The following CNOT6L variants were observed in gnomAD, a reference collection of about 807,000 sequenced individuals.
CNOT6L encodes the protein CCR4-NOT transcription complex subunit 6 like.
Under a neutral mutation model 64.0 loss-of-function variants are expected in CNOT6L, and 7 were observed. That is an observed-to-expected ratio of 0.11 (90% confidence interval 0.06 to 0.21). CNOT6L has a LOEUF of 0.21. Among genes scored for constraint, CNOT6L ranks in the 10% least tolerant of loss-of-function variants. The pLI is 1.00. For synonymous variants in CNOT6L, 193 were observed against 243.4 expected, an observed-to-expected ratio of 0.79 and a Z score of 1.93; for missense variants, 245 against 669.0, an observed-to-expected ratio of 0.37 and a Z score of 6.99.
intron 1 of CNOT6L, among the ~76,000 whole-genome samples, chr4:77,808,355 G>A (rs925384396): frequency 5.9e-5 from 9 of 151,774 alleles, no homozygotes; most frequent in South Asian, 4.2e-4. Flanking sequence ...CCAGCTTCTC[G>A]GGAGGCTGAG....
chr4:77,742,100 TAAATA>T lies in CNOT6L; in HGVS notation c.872+36_872+40del, dbSNP rs765964489. On this transcript the variant is annotated intron_variant, in intron 8 of 11. Coordinates refer to ENST00000504123, the MANE Select transcript of CNOT6L (RefSeq NM_144571.3). ...CAATTTTAAAGTGTAAGCATTTAAA[TAAATA>T]AAAGTACACCATTGTGCTTTGTTTC... is the stretch of plus-strand genomic sequence containing the variant. The T allele has an allele frequency of 4.5e-6, 7 of 1,559,870 alleles. No individual in the cohort carries two copies. In the East Asian group the frequency reaches 9.1e-5, roughly 20 times the overall value.
intron 4 of CNOT6L, among the ~76,000 whole-genome samples, chr4:77,765,856 G>A (rs1426810513): frequency 6.6e-6 from 1 of 152,108 alleles, no homozygotes; most frequent in Admixed American, 6.6e-5. Context: ...GTAGCTTTTC[G>A]CTATTTTGCT....
At chr4:77,792,100 C>T (rs4859878) in intron 1 of CNOT6L, among the ~76,000 whole-genome samples, 131,259 of 152,162 alleles carry the variant, frequency 0.86, 56,861 homozygotes, top group Non-Finnish European at 0.9. Flanking sequence ...CAAGCAGTAA[C>T]ATCCTGTCTT....
intron 1 of CNOT6L, among the ~76,000 whole-genome samples, chr4:77,799,300 C>G (rs1043133536): frequency 1.3e-5 from 2 of 152,110 alleles, no homozygotes; most frequent in African/African-American, 4.8e-5. Context: ...TGGCACGCAC[C>G]TGTAGTCCCA....
At chr4:77,798,323 A>T (rs897616015) in intron 1 of CNOT6L, among the ~76,000 whole-genome samples, 3 of 152,164 alleles carry the variant, frequency 2.0e-5, no homozygotes, top group Admixed American at 1.3e-4. Flanking sequence ...CAAATAAATA[A>T]TTTTTTTAAA....
chr4:77,738,471 C>T lies in CNOT6L; in HGVS notation c.872+3670G>A, dbSNP rs151236319. 3.5e-3 allele frequency among the ~76,000 whole-genome samples: 538 copies of T among 151,964 alleles called. 2 individuals are homozygous for T. Among genetic ancestry groups the T allele is most frequent in the Admixed American group, 5.6e-3 (86 of 15,266 alleles). ...ATTATGAGTCTAAAGCATGTATCTA[C>T]GGCCAGGCGCGGTTGCTCACGCCTG... is the stretch of plus-strand genomic sequence containing the variant. On this transcript the variant is annotated intron_variant, in intron 8 of 11. Coordinates refer to ENST00000504123, the MANE Select transcript of CNOT6L (RefSeq NM_144571.3).
At chr4:77,733,774 T>G (rs933408570) in intron 8 of CNOT6L, among the ~76,000 whole-genome samples, 5 of 152,080 alleles carry the variant, frequency 3.3e-5, no homozygotes, top group African/African-American at 1.2e-4. Context: ...CTAGATCTTT[T>G]CAAGAATATA....
At chr4:77,768,313 A>C (rs1447063480) in intron 4 of CNOT6L, among the ~76,000 whole-genome samples, 1 of 151,702 alleles carries the variant, frequency 6.6e-6, no homozygotes. Flanking sequence ...AAAAATACAA[A>C]AATTAGCCAG....
intron 4 of CNOT6L, among the ~76,000 whole-genome samples, chr4:77,764,530 G>A (rs775767106): frequency 1.3e-4 from 20 of 151,944 alleles, no homozygotes; most frequent in South Asian, 6.2e-4. Flanking sequence ...TCACTTTACC[G>A]TATGGATTTG....
chr4:77,720,749 T>C, intron 11 of CNOT6L, 106 bp from the exon 12 acceptor site: 1 of 1,100,134 alleles, frequency 9.1e-7, no homozygotes, highest in Admixed American at 2.3e-5. Flanking sequence ...TTCTGGTACC[T>C]GTTGTCTTGA....
chr4:77,786,321 A>T (rs1461725232), intron 1 of CNOT6L, among the ~76,000 whole-genome samples: 1 of 150,998 alleles, frequency 6.6e-6, no homozygotes, highest in African/African-American at 2.4e-5. Context: ...GAGAGGAAAT[A>T]ACATGAGGAT....
chr4:77,759,665 G>A (rs1276735881), intron 4 of CNOT6L, among the ~76,000 whole-genome samples: 1 of 151,780 alleles, frequency 6.6e-6, no homozygotes, highest in African/African-American at 2.4e-5. Flanking sequence ...GACAACAGGA[G>A]CTAGAATACA....
At chr4:77,798,843 A>G (rs916264519) in intron 1 of CNOT6L, among the ~76,000 whole-genome samples, 4 of 150,584 alleles carry the variant, frequency 2.7e-5, no homozygotes, top group Non-Finnish European at 5.9e-5. Flanking sequence ...ATAGCCAGGC[A>G]TGGTGGTGTG....
chr4:77,757,118 TTTTC>T (rs1222431328), intron 4 of CNOT6L, among the ~76,000 whole-genome samples, 167 bp from the exon 5 acceptor site: 1 of 152,188 alleles, frequency 6.6e-6, no homozygotes, highest in Non-Finnish European at 1.5e-5. Context: ...TAAATAAATA[TTTTC>T]TTTAAGAACT....
chr4:77,739,257 A>C (rs1376421372), intron 8 of CNOT6L, among the ~76,000 whole-genome samples: 1 of 152,224 alleles, frequency 6.6e-6, no homozygotes, highest in African/African-American at 2.4e-5. Context: ...TCATCAGTGA[A>C]GATGAGGAAT....
intron 1 of CNOT6L, among the ~76,000 whole-genome samples, chr4:77,780,214 C>A (rs1728704052): frequency 6.6e-6 from 1 of 152,148 alleles, no homozygotes; most frequent in South Asian, 2.1e-4. Context: ...GACTTAAATA[C>A]TGAGTGATTA....
chr4:77,723,378 A>ACCTCACTGATACAATGGCC (rs1193759008), intron 11 of CNOT6L, among the ~76,000 whole-genome samples: 16 of 152,064 alleles, frequency 1.1e-4, no homozygotes, highest in African/African-American at 3.6e-4. Flanking sequence ...AAAATTTAAC[A>ACCTCACTGATACAATGGCC]CCTCACTGAT....
At chr4:77,782,965 C>T (rs1729033188) in intron 1 of CNOT6L, among the ~76,000 whole-genome samples, 1 of 151,564 alleles carries the variant, frequency 6.6e-6, no homozygotes, top group South Asian at 2.1e-4. Flanking sequence ...TAAATGATGC[C>T]CTGGGATAAA....
chr4:77,803,398 A>G (rs1177434045), intron 1 of CNOT6L, among the ~76,000 whole-genome samples: 1 of 152,246 alleles, frequency 6.6e-6, no homozygotes, highest in Non-Finnish European at 1.5e-5. Context: ...GCAATCTGAC[A>G]AGATGTATCA....
Sources: gnomAD v4.1 joint callset for allele counts (sites outside exome capture counted in the v4.1 genomes callset) on GRCh38, gnomAD v4.1.1 for gene constraint, MANE v1.5 for transcripts, NCBI Gene and HGNC (gene_info 2026-07-23, HGNC 2026-07-21) for gene names.